Variants in PRELID2 observed in about 807,000 individuals in gnomAD.
The protein encoded by PRELID2 is PRELI domain containing 2.
In PRELID2, 25 loss-of-function variants were observed where a neutral mutation model predicts 28.4. That is an observed-to-expected ratio of 0.88 (90% CI 0.64 to 1.23). The LOEUF (loss-of-function observed/expected upper bound fraction) is 1.23, where lower values mean the gene tolerates loss of function less well. Among genes scored for constraint, PRELID2 ranks in the 50% most tolerant of loss-of-function variants. The pLI is 0.00. For missense variants in PRELID2, 201 were observed against 214.4 expected (o/e 0.94, Z 0.39); for synonymous variants, 76 against 71.6 (o/e 1.06, Z -0.31).
chr5:145,453,926 C>T, the PRELID2 span, among the ~76,000 whole-genome samples: 3 of 152,110 alleles, frequency 2.0e-5, no homozygotes, highest in East Asian at 1.9e-4. Flanking sequence ...AATAAACATA[C>T]GTGTGCATAT....
chr5:145,304,123 A>C, the PRELID2 span, among the ~76,000 whole-genome samples: 3 of 152,334 alleles, frequency 2.0e-5, no homozygotes, highest in South Asian at 6.2e-4. Flanking sequence ...TTTATAAAAT[A>C]TTGGCAAAAT....
At chr5:145,475,797 G>A (rs1580950902) in intron 1 of PRELID2, among the ~76,000 whole-genome samples, 5 of 152,068 alleles carry the variant, frequency 3.3e-5, no homozygotes, top group Admixed American at 3.3e-4. Context: ...TAGTCTCTAT[G>A]ATCTATAGTA....
chr5:145,430,349 G>A, the PRELID2 span, among the ~76,000 whole-genome samples: 1 of 152,154 alleles, frequency 6.6e-6, no homozygotes, highest in Admixed American at 6.5e-5. Context: ...GTATAAAAAA[G>A]ATTTATTTCT....
intron 1 of PRELID2, among the ~76,000 whole-genome samples, chr5:145,730,251 G>C (rs990687163): frequency 6.6e-6 from 1 of 152,122 alleles, no homozygotes; most frequent in Non-Finnish European, 1.5e-5. Flanking sequence ...CCCTGCCTCA[G>C]CTTCTCCCAA....
At chr5:145,786,613 C>T (rs1472252538) in intron 5 of PRELID2, among the ~76,000 whole-genome samples, 1 of 152,214 alleles carries the variant, frequency 6.6e-6, no homozygotes, top group African/African-American at 2.4e-5. Context: ...TCCAACTAAG[C>T]TGTGCCTAGA....
At chr5:145,736,719 T>C (rs765766198) in intron 1 of PRELID2, among the ~76,000 whole-genome samples, 1 of 152,146 alleles carries the variant, frequency 6.6e-6, no homozygotes, top group Non-Finnish European at 1.5e-5. Context: ...CAAAAAAATA[T>C]GTAAATGATC....
intron 1 of PRELID2, among the ~76,000 whole-genome samples, chr5:145,689,813 T>G (rs982664949): frequency 1.3e-5 from 2 of 152,156 alleles, no homozygotes; most frequent in African/African-American, 4.8e-5. Flanking sequence ...GGGGGCAGTC[T>G]GAGGCCACAT....
At chr5:145,634,126 T>G (rs1014113778) in intron 1 of PRELID2, among the ~76,000 whole-genome samples, 1 of 152,220 alleles carries the variant, frequency 6.6e-6, no homozygotes, top group Non-Finnish European at 1.5e-5. Flanking sequence ...GGTGGTACAT[T>G]TTGTGGCAAT....
In PRELID2 at chr5:145,653,996, C is replaced by T. The variant is rs140781141; in HGVS notation, n.70+110935G>A. ...TAAAAGATCAATAAAATTGATAGATCGCTAGCAAGACTAATAAAGAAGAAA... is the reference window on the plus strand; with the variant it reads ...TAAAAGATCAATAAAATTGATAGATTGCTAGCAAGACTAATAAAGAAGAAA... On this transcript the variant is annotated intron_variant and non_coding_transcript_variant, in intron 1 of 2. Coordinates refer to the PRELID2 transcript ENST00000510259. Among the ~76,000 whole-genome samples the T allele has an allele frequency of 8.2e-3, 1,248 of 151,710 alleles. 27 individuals carry two copies. Among genetic ancestry groups the T allele is most frequent in the African/African-American group, 0.029 (1,193 of 41,336 alleles).
chr5:145,622,318 G>A (rs764711503), intron 1 of PRELID2, among the ~76,000 whole-genome samples: 16 of 152,096 alleles, frequency 1.1e-4, no homozygotes, highest in Admixed American at 2.0e-4. Context: ...TAGGTAAATT[G>A]TATGATATGT....
chr5:145,638,691 C>T (rs1253880639), intron 1 of PRELID2, among the ~76,000 whole-genome samples: 1 of 151,628 alleles, frequency 6.6e-6, no homozygotes, highest in African/African-American at 2.4e-5. Context: ...AGTCTATGAC[C>T]AAAAAAACAG....
chr5:145,719,265 G>A (rs1341034446), intron 1 of PRELID2, among the ~76,000 whole-genome samples: 1 of 151,912 alleles, frequency 6.6e-6, no homozygotes, highest in East Asian at 1.9e-4. Context: ...CTGAGAAAGA[G>A]AAGGCCTATA....
intron 1 of PRELID2, among the ~76,000 whole-genome samples, chr5:145,685,539 T>A (rs1755020033): frequency 6.6e-6 from 1 of 152,096 alleles, no homozygotes; most frequent in Non-Finnish European, 1.5e-5. Flanking sequence ...CCATGACCAT[T>A]TTTTTCCTAC....
At chr5:145,668,995 C>T (rs898777217) in intron 1 of PRELID2, among the ~76,000 whole-genome samples, 1 of 152,066 alleles carries the variant, frequency 6.6e-6, no homozygotes, top group African/African-American at 2.4e-5. Context: ...AGAGTCACTT[C>T]CTGTGGATTT....
At chr5:145,243,430 A>T in the PRELID2 span, among the ~76,000 whole-genome samples, 1 of 151,284 alleles carries the variant, frequency 6.6e-6, no homozygotes, top group Non-Finnish European at 1.5e-5. Flanking sequence ...TTTTCATATT[A>T]AAAAAAAAGA....
At chr5:145,502,003 G>A (rs1313491506) in intron 1 of PRELID2, among the ~76,000 whole-genome samples, 1 of 152,096 alleles carries the variant, frequency 6.6e-6, no homozygotes, top group Admixed American at 6.6e-5. Context: ...CCTAGAAACT[G>A]TCTAGCAGAG....
At chr5:145,277,416 G>C in the PRELID2 span, among the ~76,000 whole-genome samples, 21 of 152,128 alleles carry the variant, frequency 1.4e-4, no homozygotes, top group East Asian at 3.5e-3. Context: ...CATTCATAAG[G>C]CTCCCATTCA....
At chr5:145,597,175 C>T (rs766617441) in intron 1 of PRELID2, among the ~76,000 whole-genome samples, 2 of 152,154 alleles carry the variant, frequency 1.3e-5, no homozygotes, top group Non-Finnish European at 2.9e-5. Context: ...ATTTATGACA[C>T]TATTTCCTTA....
At chr5:145,494,268 T>C (rs1478655444) in intron 1 of PRELID2, among the ~76,000 whole-genome samples, 2 of 152,160 alleles carry the variant, frequency 1.3e-5, no homozygotes, top group African/African-American at 4.8e-5. Context: ...AAAGAATTAG[T>C]TCATTTAAAT....
Sources: allele counts gnomAD v4.1 joint callset (sites outside exome capture counted in the v4.1 genomes callset), GRCh38; gene constraint gnomAD v4.1.1; transcripts MANE v1.5; gene names NCBI Gene and HGNC (gene_info 2026-07-23, HGNC 2026-07-21).